THBS1: variants seen among roughly 807,000 people sequenced by gnomAD.
THBS1 encodes the protein thrombospondin-1.
Under a neutral mutation model 126.1 loss-of-function variants are expected in THBS1, and 29 were observed. That is an observed-to-expected ratio of 0.23 (90% CI 0.17 to 0.31). The LOEUF is 0.31. THBS1 is among the 10% of genes least tolerant of loss of function. The pLI, the probability that THBS1 is intolerant of heterozygous loss-of-function variation, is 1.00. For missense variants in THBS1, 1,198 were observed against 1,545.2 expected, an observed-to-expected ratio of 0.78 and a Z score of 3.77; for synonymous variants, 496 against 577.8, an observed-to-expected ratio of 0.86 and a Z score of 2.03.
At position 39,593,339 on chromosome 15, in the gene THBS1, T is replaced by C. The variant is rs1890367338; in HGVS notation, c.2996-58T>C. ...TGGGTGCTGAGGATGTCTAGGAACA[T>C]GATGGAGAACCTTCTGAAGGCTGCA... On this transcript the variant is annotated intron_variant, in intron 18 of 21. Coordinates refer to ENST00000260356, the MANE Select transcript of THBS1 (RefSeq NM_003246.4). The surrounding 1 kb of genome is among the most constrained non-coding windows in gnomAD (Gnocchi z 5.9). The C allele has an allele frequency of 6.2e-7, 1 of 1,613,034 alleles. No homozygotes were observed. The highest frequency in any genetic ancestry group is 8.5e-7 in the Non-Finnish European group (1 of 1,179,420).
Position 39,581,833 on chromosome 15 carries a change from C to G in THBS1, c.-25C>G. The G allele has an allele frequency of 6.2e-7, 1 of 1,610,366 alleles. No individual in the cohort carries two copies. Reference sequence around the variant, plus strand: ...CTCTTGTGCTTCCTGCTACAGGATCCCTGCTGGGCACCAACAGCTCCACCA... The same window carrying G: ...CTCTTGTGCTTCCTGCTACAGGATCGCTGCTGGGCACCAACAGCTCCACCA... On this transcript the variant is annotated 5_prime_UTR_variant, in exon 2 of 22. Transcript: ENST00000260356.
In THBS1 at chr15:39,588,562, T is replaced by G; in HGVS notation, c.1508T>G (p.Ile503Ser). ...GGWGPWSPWD[I>S]CSVTCGGGVQ... Reference sequence around the variant, plus strand: ...TGGGGTCCTTGGTCACCATGGGACATCTGTTCTGTCACCTGTGGAGGAGGG... The same window carrying G: ...TGGGGTCCTTGGTCACCATGGGACAGCTGTTCTGTCACCTGTGGAGGAGGG... The change falls in exon 10 of 22, where the codon ATC becomes AGC. Residue 503 changes from isoleucine to serine, a missense_variant. Coordinates refer to ENST00000260356, the MANE Select transcript of THBS1 (RefSeq NM_003246.4). The G allele has an allele frequency of 6.3e-7, 1 of 1,588,496 alleles. No individual in the cohort carries two copies. The highest frequency in any genetic ancestry group is 8.5e-7 in the Non-Finnish European group (1 of 1,169,768).
intron 6 of THBS1, among the ~76,000 whole-genome samples, chr15:39,585,099 C>G (rs912471032): frequency 6.6e-6 from 1 of 151,732 alleles, no homozygotes; most frequent in African/African-American, 2.4e-5. Context: ...CCTTCCTCCC[C>G]CCAAACACAT....
chr15:39,594,495 T>C lies in THBS1; in HGVS notation c.3505+55T>C, dbSNP rs1890393799. The C allele has an allele frequency of 1.9e-6, 3 of 1,593,986 alleles. No individual in the cohort carries two copies. Among genetic ancestry groups the C allele is most frequent in the Non-Finnish European group, 2.6e-6 (3 of 1,171,454 alleles). Reference sequence around the variant, plus strand: ...TGGACATCTCTATTTCAGACTAATATCAAGGATGACGGTTATGGGGGAGTC... The same window carrying C: ...TGGACATCTCTATTTCAGACTAATACCAAGGATGACGGTTATGGGGGAGTC... On this transcript the variant is annotated intron_variant, in intron 21 of 21. Transcript: ENST00000260356. The surrounding 1 kb of genome is among the most constrained non-coding windows in gnomAD (Gnocchi z 4.4).
Position 39,594,515 on chromosome 15 carries a change from G to A in THBS1, c.3505+75G>A. 7 of 1,561,124 alleles carry A rather than the reference G, an allele frequency of 4.5e-6. No individual in the cohort carries two copies. The highest frequency in any genetic ancestry group is 1.2e-5 in the South Asian group (1 of 81,178). On this transcript the variant is annotated intron_variant, in intron 21 of 21. Transcript: ENST00000260356. The surrounding 1 kb of genome is among the most constrained non-coding windows in gnomAD (Gnocchi z 4.4). ...TAATATCAAGGATGACGGTTATGGGGGAGTCCAGTGTAAAGACTGTTTTGG... is the reference window on the plus strand; with the variant it reads ...TAATATCAAGGATGACGGTTATGGGAGAGTCCAGTGTAAAGACTGTTTTGG...
chr15:39,582,731 G>A lies in THBS1; in HGVS notation c.606G>A (p.Gly202=). The change falls in exon 3 of 22, where the codon GGG becomes GGA. Residue 202 remains glycine (G), a synonymous_variant. Coordinates refer to ENST00000260356, the MANE Select transcript of THBS1 (RefSeq NM_003246.4). ...ASIARLRIAK[G]GVNDNFQGVL... ...TCGCCAGACTCCGCATCGCAAAGGG[G>A]GGCGTCAATGACAATTTCCAGGTGA... is the stretch of plus-strand genomic sequence containing the variant. 1.2e-6 allele frequency: 2 copies of A among 1,610,834 alleles called. No homozygotes were observed. Among genetic ancestry groups the A allele is most frequent in the Non-Finnish European group, 1.7e-6 (2 of 1,178,798 alleles).
At chr15:39,587,656 C>T (rs1890234701) in intron 8 of THBS1, 136 bp downstream of exon 8, 2 of 887,322 alleles carry the variant, frequency 2.3e-6, no homozygotes, top group East Asian at 5.4e-5. Context: ...CTTAGCTGTG[C>T]ACCCTTGAAC....
In THBS1 at chr15:39,582,451, G is replaced by T. The variant is rs760740907; in HGVS notation, c.326G>T (p.Arg109Leu). Residue 109 changes from arginine to leucine, a missense_variant, in exon 3 of 22, where the codon CGG becomes CTG. Physicochemically the swap from Arg to Leu is moderately radical, Grantham distance 102. Around this residue, in one of 4 missense-constraint regions of THBS1, gnomAD observed 271 missense variants for 277.0 expected, o/e 0.98. Transcript: ENST00000260356. ...CGGGGCACGCTGCTGGCCCTGGAGCGGAAAGACCACTCTGGCCAGGTCTTC... is the reference window on the plus strand; with the variant it reads ...CGGGGCACGCTGCTGGCCCTGGAGCTGAAAGACCACTCTGGCCAGGTCTTC... ...KTRGTLLALE[R>L]KDHSGQVFSV... 5.6e-6 allele frequency: 9 copies of T among 1,614,036 alleles called. No individual in the cohort carries two copies. The highest frequency in any genetic ancestry group is 7.6e-6 in the Non-Finnish European group (9 of 1,180,004).
rs1157584938 is a variant in THBS1, at chr15:39,599,119, T to C, written c.*3750T>C. 2 of 152,130 alleles carry C rather than the reference T, an allele frequency of 1.3e-5. No homozygotes were observed. Among genetic ancestry groups the C allele is most frequent in the East Asian group, 1.9e-4 (1 of 5,196 alleles). 9.4% of individuals were successfully genotyped at this position (152,130 alleles called of 1,614,324 possible). On this transcript the variant is annotated 3_prime_UTR_variant, in exon 22 of 22. Transcript: ENST00000260356. ...TCTGTATTTTTAGTAAAGACGGGGT[T>C]TCACCTTGTTCCGGACAAACACTAA...
chr15:39,583,827 T>G, intron 4 of THBS1, 135 bp downstream of exon 4: 1 of 1,206,762 alleles, frequency 8.3e-7, no homozygotes, highest in Non-Finnish European at 1.2e-6. Flanking sequence ...CAGAAGTGAC[T>G]CCAAGGGGTA....
chr15:39,584,313 A>C lies in THBS1; in HGVS notation c.917A>C (p.Lys306Thr), dbSNP rs766074770. 1.9e-6 allele frequency: 3 copies of C among 1,614,238 alleles called. No individual in the cohort carries two copies. The East Asian group carries it at 6.7e-5, about 36-fold the overall frequency. Residue 306 changes from lysine to threonine, a missense_variant, in exon 6 of 22, where the codon AAA (lysine) becomes ACA (threonine). Lys to Thr is a moderately conservative substitution (Grantham distance 78, BLOSUM62 -1). Transcript: ENST00000260356. Reference protein sequence around the residue: ...DSIRKVTEENKELANELRRPP... With the variant: ...DSIRKVTEENTELANELRRPP... Reference sequence around the variant, plus strand: ...TCTCCCATTTAGACTGAAGAGAACAAAGAGTTGGCCAATGAGCTGAGGCGG... The same window carrying C: ...TCTCCCATTTAGACTGAAGAGAACACAGAGTTGGCCAATGAGCTGAGGCGG...
In THBS1 at chr15:39,582,280, C is replaced by A; in HGVS notation, c.155C>A (p.Pro52His). The change falls in exon 3 of 22, where the codon CCC becomes CAC. Residue 52 changes from proline to histidine, a missense_variant. Physicochemically the swap from Pro to His is moderately conservative, Grantham distance 77. This residue lies in a region of THBS1 where 271 missense variants were observed against 277.0 expected (regional missense o/e 0.98). Transcript: ENST00000260356. Reference protein sequence around the residue: ...KGSGRRLVKGPDPSSPAFRIE... With the variant: ...KGSGRRLVKGHDPSSPAFRIE... The stretch of plus-strand genomic sequence containing the variant: ...TCTGGGCGCCGACTGGTGAAGGGCC[C>A]CGACCCTTCCAGCCCAGCTTTCCGC... 1 of 1,614,186 alleles carries A rather than the reference C, an allele frequency of 6.2e-7. No homozygotes were observed. Among genetic ancestry groups the A allele is most frequent in the Non-Finnish European group, 8.5e-7 (1 of 1,180,018 alleles).
At chr15:39,587,607 G>A (rs991019226) in intron 8 of THBS1, 87 bp downstream of exon 8, 6 of 1,355,766 alleles carry the variant, frequency 4.4e-6, no homozygotes, top group African/African-American at 1.4e-5. Context: ...TGTATATTAA[G>A]AACACGGGTT....
Position 39,581,813 on chromosome 15 carries a change from G to T in THBS1, c.-29-16G>T. 1 of 1,576,874 alleles carries T rather than the reference G, an allele frequency of 6.3e-7. No individual in the cohort carries two copies. The highest frequency in any genetic ancestry group is 8.7e-7 in the Non-Finnish European group (1 of 1,147,150). On this transcript the variant is annotated splice_polypyrimidine_tract_variant and intron_variant, in intron 1 of 21. Coordinates refer to ENST00000260356, the MANE Select transcript of THBS1 (RefSeq NM_003246.4). The stretch of plus-strand genomic sequence containing the variant: ...AGCTGATCTCTGACCCTCGGCTCTT[G>T]TGCTTCCTGCTACAGGATCCCTGCT...
rs1301532708 is a variant in THBS1, at chr15:39,596,439, CAGGAAGA to C, written c.*1073_*1079del. The C allele has an allele frequency of 9.8e-5, 15 of 153,006 alleles. No homozygotes were observed. Among genetic ancestry groups the C allele is most frequent in the African/African-American group, 3.6e-4 (15 of 41,400 alleles). 9.5% of individuals were successfully genotyped at this position (153,006 alleles called of 1,614,324 possible). A position where few individuals can be genotyped will look rare whatever the true frequency, so the allele number is the denominator to read the frequency against. Reference sequence around the variant, plus strand: ...TCTGGCTGAAGGATTATTCATGGAACAGGAAGAAGCGTAAAGACTATCCATGTCATCT... The same window carrying C: ...TCTGGCTGAAGGATTATTCATGGAACAGCGTAAAGACTATCCATGTCATCT... On this transcript the variant is annotated 3_prime_UTR_variant, in exon 22 of 22. Coordinates refer to ENST00000260356, the MANE Select transcript of THBS1 (RefSeq NM_003246.4).
Position 39,593,002 on chromosome 15 carries a change from G to A in THBS1, c.2770G>A (p.Asp924Asn), listed in dbSNP as rs767203395. 50 of 1,613,124 alleles carry A rather than the reference G, an allele frequency of 3.1e-5. No individual in the cohort carries two copies. Among genetic ancestry groups the A allele is most frequent in the East Asian group, 2.0e-4 (9 of 44,878 alleles). Residue 924 changes from aspartate to asparagine, a missense_variant and splice_region_variant, in exon 18 of 22, where the codon GAT becomes AAT. Physicochemically the swap from Asp to Asn is conservative, Grantham distance 23. This residue lies in a region of THBS1 where 255 missense variants were observed against 373.9 expected (regional missense o/e 0.68). Transcript: ENST00000260356. This position sits in a 1 kb window ranked among gnomAD's most constrained non-coding sequence, Gnocchi z 5.9. ...PNPDQKDSDGDGRGDACKDDF... is the reference protein window; with the variant it reads ...PNPDQKDSDGNGRGDACKDDF... Reference sequence around the variant, plus strand: ...AACTCTTGCTTTTTTGACCTCAGGCGATGGTCGAGGTGATGCCTGCAAAGA... The same window carrying A: ...AACTCTTGCTTTTTTGACCTCAGGCAATGGTCGAGGTGATGCCTGCAAAGA...
rs75990866 is a variant in THBS1, at chr15:39,589,124, G to A, written c.1773+38G>A. ...TGGGGCTCCGAGTTTCTGGATCTAG[G>A]AAAGCAGCTAACCTGTGCAGTCGCT... is the stretch of plus-strand genomic sequence containing the variant. On this transcript the variant is annotated intron_variant, in intron 11 of 21. Transcript: ENST00000260356. The surrounding 1 kb of genome is among the most constrained non-coding windows in gnomAD (Gnocchi z 4.7). The A allele has an allele frequency of 4.3e-6, 7 of 1,612,732 alleles. No homozygotes were observed. The highest frequency in any genetic ancestry group is 5.1e-6 in the Non-Finnish European group (6 of 1,178,770).
intron 1 of THBS1, 190 bp from the exon 2 acceptor site, chr15:39,581,639 C>CCTCT (rs3138595): frequency 0.11 from 39,895 of 364,444 alleles, 1,689 homozygotes; most frequent in Non-Finnish European, 0.13. Context: ...CTTTCCTCCA[C>CCTCT]CTCTCTCTCT....
At chr15:39,583,867 C>A in intron 4 of THBS1, 121 bp from the exon 5 acceptor site, 1 of 1,275,468 alleles carries the variant, frequency 7.8e-7, no homozygotes, top group Non-Finnish European at 1.1e-6. Flanking sequence ...CACACGTGCG[C>A]ATACACGCAA....
Sources: allele counts gnomAD v4.1 joint callset (sites outside exome capture counted in the v4.1 genomes callset), GRCh38; gene constraint gnomAD v4.1.1; regional missense constraint gnomAD v4.1.1; non-coding constraint Gnocchi (gnomAD v3.1); transcripts MANE v1.5; gene names NCBI Gene and HGNC (gene_info 2026-07-23, HGNC 2026-07-21).